GRIK2: variants seen among roughly 807,000 people sequenced by gnomAD.
The protein encoded by GRIK2 is glutamate ionotropic receptor kainate type subunit 2.
In GRIK2, 32 loss-of-function variants were observed where a neutral mutation model predicts 100.3. That is an observed-to-expected ratio of 0.32 (90% CI 0.24 to 0.43). The LOEUF is 0.43. Among genes scored for constraint, GRIK2 ranks in the 20% least tolerant of loss-of-function variants. GRIK2 has a pLI of 1.00. For synonymous variants in GRIK2, 417 were observed against 389.4 expected (o/e 1.07, Z -0.83); for missense variants, 843 against 1,114.9 (o/e 0.76, Z 3.47).
At chr6:101,641,388 TA>T (rs1273516469) in intron 4 of GRIK2, among the ~76,000 whole-genome samples, 1 of 151,996 alleles carries the variant, frequency 6.6e-6, no homozygotes, top group East Asian at 1.9e-4. Context: ...AGTCAGCTCT[TA>T]AAATCTTAAC....
intron 7 of GRIK2, among the ~76,000 whole-genome samples, chr6:101,781,396 G>A (rs1035210202): frequency 1.3e-5 from 2 of 152,126 alleles, no homozygotes; most frequent in East Asian, 1.9e-4. Context: ...GACAAATAAT[G>A]TTTAAGCTTG....
At chr6:101,565,856 T>C (rs1777228665) in intron 2 of GRIK2, among the ~76,000 whole-genome samples, 1 of 149,546 alleles carries the variant, frequency 6.7e-6, no homozygotes, top group South Asian at 2.1e-4. Context: ...TTAACACATA[T>C]TTTGTGTATT....
intron 5 of GRIK2, among the ~76,000 whole-genome samples, chr6:101,679,011 A>T (rs2128340977): frequency 6.6e-6 from 1 of 152,274 alleles, no homozygotes; most frequent in East Asian, 1.9e-4. Flanking sequence ...TCCATAGCAG[A>T]TGATTCTACC....
chr6:101,518,608 A>G (rs1173057115), intron 2 of GRIK2, among the ~76,000 whole-genome samples: 1 of 152,154 alleles, frequency 6.6e-6, no homozygotes, highest in African/African-American at 2.4e-5. Context: ...TCTATGAAAC[A>G]TTATTTCTTT....
chr6:101,635,006 TTAAAG>T (rs1178200716), intron 4 of GRIK2, among the ~76,000 whole-genome samples: 8 of 152,070 alleles, frequency 5.3e-5, no homozygotes, highest in Non-Finnish European at 1.0e-4. Context: ...TAAAATAAAA[TTAAAG>T]TTAATATAAA....
intron 2 of GRIK2, among the ~76,000 whole-genome samples, chr6:101,504,329 T>C (rs779835236): frequency 5.9e-5 from 9 of 152,102 alleles, no homozygotes; most frequent in Non-Finnish European, 1.3e-4. Flanking sequence ...TACATTTCTA[T>C]ATTTTTTTCT....
At chr6:102,058,003 GAA>G in intron 16 of GRIK2, among the ~76,000 whole-genome samples, 1 of 151,470 alleles carries the variant, frequency 6.6e-6, no homozygotes, top group South Asian at 2.1e-4. Flanking sequence ...CTATTGCAAT[GAA>G]AAAAAATGTG....
At chr6:101,617,636 TATATAA>T (rs1779955382) in intron 2 of GRIK2, among the ~76,000 whole-genome samples, 1 of 151,868 alleles carries the variant, frequency 6.6e-6, no homozygotes, top group Admixed American at 6.6e-5. Flanking sequence ...CATGCTGGTG[TATATAA>T]AATTGTTTCA....
intron 2 of GRIK2, among the ~76,000 whole-genome samples, chr6:101,473,814 C>A (rs1459410997): frequency 1.3e-5 from 2 of 151,706 alleles, no homozygotes; most frequent in Non-Finnish European, 3.0e-5. Context: ...ATGTGGTGAT[C>A]GATCACTAAA....
intron 2 of GRIK2, among the ~76,000 whole-genome samples, chr6:101,534,805 GA>G (rs1775609140): frequency 1.3e-5 from 2 of 151,550 alleles, no homozygotes; most frequent in Non-Finnish European, 3.0e-5. Context: ...CTCTGACAGA[GA>G]ATAAAAGTTC....
At chr6:101,522,061 A>G (rs868356165) in intron 2 of GRIK2, among the ~76,000 whole-genome samples, 4 of 152,128 alleles carry the variant, frequency 2.6e-5, no homozygotes, top group African/African-American at 9.7e-5. Flanking sequence ...TGTACATTCA[A>G]TATATACCTT....
At chr6:101,852,097 T>C (rs889289527) in intron 10 of GRIK2, among the ~76,000 whole-genome samples, 3 of 152,072 alleles carry the variant, frequency 2.0e-5, no homozygotes, top group Non-Finnish European at 4.4e-5. Context: ...GTTTGGCACA[T>C]AGTAAGTGCT....
rs530782815 is a variant in GRIK2, at chr6:101,788,437, T to C, written c.952-11211T>C. 4.2e-3 allele frequency among the ~76,000 whole-genome samples: 624 copies of C among 150,274 alleles called. 2 individuals carry two copies. The highest frequency in any genetic ancestry group is 6.7e-3 in the Non-Finnish European group (453 of 67,496). On this transcript the variant is annotated intron_variant, in intron 7 of 16. Transcript: ENST00000369134. ...ATGTGTTCTCATTGTTCAATTCCCA[T>C]CTATGAGTGAGAACATGCAGTGTTT...
chr6:101,790,142 T>A (rs145048052), intron 7 of GRIK2, among the ~76,000 whole-genome samples: 6,925 of 152,276 alleles, frequency 0.045, 189 homozygotes, highest in Non-Finnish European at 0.057. Flanking sequence ...TACAATCATG[T>A]CATCTGCAAA....
intron 4 of GRIK2, 132 bp downstream of exon 4, chr6:101,626,769 CAG>C: frequency 1.5e-6 from 1 of 667,512 alleles, no homozygotes; most frequent in Non-Finnish European, 2.5e-6. Context: ...GGTAGAAAGA[CAG>C]AATCAAACAC....
intron 4 of GRIK2, among the ~76,000 whole-genome samples, chr6:101,647,970 C>A (rs1049885665): frequency 1.3e-5 from 2 of 151,968 alleles, no homozygotes; most frequent in Non-Finnish European, 2.9e-5. Context: ...TGTTTACCAG[C>A]ATCCCTAACC....
chr6:101,416,954 C>G (rs897421955), intron 2 of GRIK2, among the ~76,000 whole-genome samples: 1 of 152,110 alleles, frequency 6.6e-6, no homozygotes, highest in African/African-American at 2.4e-5. Flanking sequence ...GTTAGTGCAG[C>G]AAAAATGCCT....
At chr6:101,945,060 A>C (rs1482022930) in intron 14 of GRIK2, among the ~76,000 whole-genome samples, 2 of 152,120 alleles carry the variant, frequency 1.3e-5, no homozygotes, top group Admixed American at 6.6e-5. Context: ...AAGATGAACA[A>C]GTTTTACCAA....
intron 14 of GRIK2, among the ~76,000 whole-genome samples, chr6:101,985,571 G>T (rs1793974310): frequency 6.6e-6 from 1 of 151,726 alleles, no homozygotes; most frequent in Non-Finnish European, 1.5e-5. Flanking sequence ...GTGAAGCACA[G>T]TTTGTCCATA....
Sources: gnomAD v4.1 joint callset for allele counts (sites outside exome capture counted in the v4.1 genomes callset) on GRCh38, gnomAD v4.1.1 for gene constraint, MANE v1.5 for transcripts, NCBI Gene and HGNC (gene_info 2026-07-23, HGNC 2026-07-21) for gene names.